CUBN: variants seen among roughly 807,000 people sequenced by gnomAD.
CUBN encodes 460 kDa receptor.
In CUBN, 282 loss-of-function variants were observed where a neutral mutation model predicts 405.3. The ratio of observed to expected loss-of-function variants is 0.70; its 90% confidence interval spans 0.63 to 0.77. CUBN has a LOEUF of 0.77. Ranked by LOEUF, CUBN falls within the 30% of genes least tolerant of loss-of-function variation. The pLI, the probability that CUBN is intolerant of heterozygous loss-of-function variation, is 0.00. For synonymous variants in CUBN, 1,684 were observed against 1,617.0 expected (o/e 1.04, Z -0.99); for missense variants, 4,514 against 4,475.2 (o/e 1.01, Z -0.25).
intron 31 of CUBN, among the ~76,000 whole-genome samples, chr10:16,961,150 C>G (rs1006986462): frequency 6.6e-6 from 1 of 151,614 alleles, no homozygotes; most frequent in Admixed American, 6.6e-5. Context: ...CAGCTCACTG[C>G]AGCCTTGACC....
rs1339991429 is a variant in CUBN at position 17,087,466 on chromosome 10, CTTTTTCTTTT to C, written c.1947+688_1947+697del. Among the ~76,000 whole-genome samples, 31 of 79,770 alleles carry C rather than the reference CTTTTTCTTTT, an allele frequency of 3.9e-4. 1 individual carries two copies. The highest frequency in any genetic ancestry group is 4.8e-4 in the Non-Finnish European group (21 of 43,632). The allele number at this position is 79,770 out of a possible 152,430, so 52.3% of individuals were successfully genotyped here. On this transcript the variant is annotated intron_variant, in intron 15 of 66. Transcript: ENST00000377833. The stretch of plus-strand genomic sequence containing the variant: ...GTTCAACACAATCACTATTATTTTT[CTTTTTCTTTT>C]TTTTTTTTTTTTTTTTTTAGACAGA...
chr10:17,081,134 A>G (rs1835957132), intron 17 of CUBN, among the ~76,000 whole-genome samples: 1 of 152,198 alleles, frequency 6.6e-6, no homozygotes, highest in Non-Finnish European at 1.5e-5. Context: ...ATGAGTGCTT[A>G]TGGAACTCTC....
intron 58 of CUBN, among the ~76,000 whole-genome samples, chr10:16,872,208 C>T (rs540055145): frequency 6.6e-6 from 1 of 151,978 alleles, no homozygotes; most frequent in Non-Finnish European, 1.5e-5. Context: ...CCACTGCACT[C>T]CAGCCTGGGC....
intron 14 of CUBN, among the ~76,000 whole-genome samples, chr10:17,093,738 T>C (rs1197653123): frequency 6.6e-6 from 1 of 151,176 alleles, no homozygotes; most frequent in African/African-American, 2.4e-5. Context: ...GCCAGAAACA[T>C]TCCAGATACT....
chr10:16,963,709 T>A (rs1843306465), intron 31 of CUBN, among the ~76,000 whole-genome samples: 1 of 152,108 alleles, frequency 6.6e-6, no homozygotes, highest in Admixed American at 6.6e-5. Flanking sequence ...TAAAATAGAA[T>A]GTGTAGTGAC....
chr10:16,837,612 T>C (rs988498544), intron 62 of CUBN, among the ~76,000 whole-genome samples: 20 of 152,118 alleles, frequency 1.3e-4, no homozygotes, highest in African/African-American at 4.6e-4. Flanking sequence ...CTTCTATCTC[T>C]GCATCTCTGT....
chr10:17,104,327 G>A, intron 12 of CUBN, 92 bp downstream of exon 12: 1 of 1,128,158 alleles, frequency 8.9e-7, no homozygotes, highest in Non-Finnish European at 1.3e-6. Flanking sequence ...GGACAAGAAA[G>A]TGGGTTCAGC....
chr10:17,039,740 T>C (rs756589251), intron 27 of CUBN, among the ~76,000 whole-genome samples: 1 of 152,192 alleles, frequency 6.6e-6, no homozygotes, highest in African/African-American at 2.4e-5. Flanking sequence ...GTTTGTTTCA[T>C]GTTGTGTCAT....
At chr10:17,009,613 T>C (rs1834123420) in intron 28 of CUBN, among the ~76,000 whole-genome samples, 1 of 143,620 alleles carries the variant, frequency 7.0e-6, no homozygotes, top group South Asian at 2.2e-4. Flanking sequence ...AAACTCTCCA[T>C]CCTGACTGTA....
chr10:16,900,737 A>C lies in CUBN; in HGVS notation c.8298T>G (p.Asn2766Lys). The C allele has an allele frequency of 1.2e-6, 2 of 1,614,150 alleles. No homozygotes were observed. The highest frequency in any genetic ancestry group is 1.7e-6 in the Non-Finnish European group (2 of 1,180,018). Reference sequence around the variant, plus strand: ...CTGACTGTATTGTCCTGGGGTTTGAATTTCCACAGTATTGTCCTATGATGG... The same window carrying C: ...CTGACTGTATTGTCCTGGGGTTTGACTTTCCACAGTATTGTCCTATGATGG... ...ESPIIGQYCG[N>K]SNPRTIQSGS... Residue 2766 changes from asparagine to lysine, a missense_variant, in exon 53 of 67, where the codon AAT (asparagine) becomes AAG (lysine). Physicochemically the swap from Asn to Lys is moderately conservative, Grantham distance 94. Coordinates refer to ENST00000377833, the MANE Select transcript of CUBN (RefSeq NM_001081.4).
chr10:17,039,844 A>G (rs760025563), intron 27 of CUBN, among the ~76,000 whole-genome samples: 1 of 152,172 alleles, frequency 6.6e-6, no homozygotes, highest in Non-Finnish European at 1.5e-5. Context: ...TATAAGGCAA[A>G]ATTTTTTCCC....
intron 6 of CUBN, among the ~76,000 whole-genome samples, chr10:17,120,489 C>T (rs1438897478): frequency 1.3e-5 from 2 of 152,214 alleles, no homozygotes; most frequent in African/African-American, 2.4e-5. Context: ...ATTTCCAAAG[C>T]CATCCACACA....
At chr10:16,990,126 T>C (rs963646771) in intron 29 of CUBN, among the ~76,000 whole-genome samples, 2 of 152,224 alleles carry the variant, frequency 1.3e-5, no homozygotes, top group African/African-American at 2.4e-5. Flanking sequence ...ACTCAGCTGC[T>C]GCAAGGCCCT....
At chr10:16,862,179 C>CACACAA in intron 59 of CUBN, among the ~76,000 whole-genome samples, 1 of 151,264 alleles carries the variant, frequency 6.6e-6, no homozygotes, top group African/African-American at 2.4e-5. Flanking sequence ...CACACACACA[C>CACACAA]ACACACACAC....
chr10:16,925,146 T>G, intron 43 of CUBN, 95 bp downstream of exon 43: 2 of 936,522 alleles, frequency 2.1e-6, no homozygotes, highest in Non-Finnish European at 1.7e-6. Context: ...TTCTTATTAA[T>G]TCTATTACTG....
intron 27 of CUBN, among the ~76,000 whole-genome samples, chr10:17,038,942 C>G (rs7921201): frequency 0.27 from 40,370 of 152,064 alleles, 6,008 homozygotes; most frequent in African/African-American, 0.38. Flanking sequence ...CCATAAGGGG[C>G]TCTAATGAGC....
intron 31 of CUBN, among the ~76,000 whole-genome samples, chr10:16,977,495 G>T (rs1183949196): frequency 6.6e-6 from 1 of 152,114 alleles, no homozygotes; most frequent in Non-Finnish European, 1.5e-5. Flanking sequence ...AACTCCAGGG[G>T]GAGGATCATC....
At chr10:16,940,395 G>A (rs1055469305) in intron 36 of CUBN, among the ~76,000 whole-genome samples, 158 bp from the exon 37 acceptor site, 1 of 152,072 alleles carries the variant, frequency 6.6e-6, no homozygotes, top group Non-Finnish European at 1.5e-5. Context: ...TCTTTCACTC[G>A]GACTTGTTGA....
Position 16,831,322 on chromosome 10 carries a change from G to A in CUBN, c.10458C>T (p.Tyr3486=). The stretch of plus-strand genomic sequence containing the variant: ...TTACACTATCACTCTTAAATCGTAG[G>A]TATAGTTCATTATTTTGAGAGAAGA... ...NPVFSQNNEL[Y]LRFKSDSVTS... Residue 3486 remains tyrosine (Y), a synonymous_variant, in exon 65 of 67, where the codon TAC becomes TAT. Transcript: ENST00000377833. 6.2e-7 allele frequency: 1 copy of A among 1,613,470 alleles called. No individual in the cohort carries two copies. The highest frequency in any genetic ancestry group is 8.5e-7 in the Non-Finnish European group (1 of 1,179,420).
Sources: allele counts gnomAD v4.1 joint callset (sites outside exome capture counted in the v4.1 genomes callset), GRCh38; gene constraint gnomAD v4.1.1; transcripts MANE v1.5; gene names NCBI Gene and HGNC (gene_info 2026-07-23, HGNC 2026-07-21).